The following DCC variants were observed in gnomAD, a reference collection of about 807,000 sequenced individuals.
DCC encodes netrin receptor DCC.
A neutral mutation model predicts 172.5 loss-of-function variants in DCC; 58 were observed. The observed-to-expected ratio is 0.34, with a 90% CI of 0.27 to 0.42. DCC has a LOEUF of 0.42. DCC is among the 10% of genes least tolerant of loss of function. The pLI is 1.00. For synonymous variants in DCC, 709 were observed against 644.5 expected (o/e 1.10, Z -1.52); for missense variants, 1,740 against 1,791.0 (o/e 0.97, Z 0.51).
At chr18:53,378,447 A>T (rs992975630) in intron 15 of DCC, among the ~76,000 whole-genome samples, 2 of 152,126 alleles carry the variant, frequency 1.3e-5, no homozygotes, top group African/African-American at 4.8e-5. Flanking sequence ...ATGAAGATTG[A>T]ATGTGAATAT....
intron 1 of DCC, among the ~76,000 whole-genome samples, chr18:52,594,338 T>G (rs1055239732): frequency 6.6e-6 from 1 of 152,206 alleles, no homozygotes; most frequent in South Asian, 2.1e-4. Flanking sequence ...TGTCTCACAT[T>G]GTTTAGGCTA....
At chr18:52,497,623 A>G (rs2030853012) in intron 1 of DCC, among the ~76,000 whole-genome samples, 1 of 152,010 alleles carries the variant, frequency 6.6e-6, no homozygotes, top group Admixed American at 6.6e-5. Context: ...GATGAATCCC[A>G]AGAGAATTGC....
At chr18:52,580,317 G>A (rs1471032901) in intron 1 of DCC, among the ~76,000 whole-genome samples, 1 of 152,150 alleles carries the variant, frequency 6.6e-6, no homozygotes, top group Non-Finnish European at 1.5e-5. Context: ...GAGTGCAGTG[G>A]CGCGATCTCG....
chr18:52,604,575 T>G (rs1037704147), intron 1 of DCC, among the ~76,000 whole-genome samples: 2 of 152,180 alleles, frequency 1.3e-5, no homozygotes, highest in African/African-American at 2.4e-5. Flanking sequence ...TGCCTGTCCC[T>G]TCTTTGTGGG....
intron 1 of DCC, among the ~76,000 whole-genome samples, chr18:52,743,267 T>A (rs2036851793): frequency 1.3e-5 from 2 of 152,118 alleles, no homozygotes; most frequent in Admixed American, 1.3e-4. Flanking sequence ...GCCATCCCTC[T>A]CTCTACTTAG....
At chr18:53,006,055 G>C (rs1023650272) in intron 5 of DCC, among the ~76,000 whole-genome samples, 1 of 152,186 alleles carries the variant, frequency 6.6e-6, no homozygotes, top group Non-Finnish European at 1.5e-5. Flanking sequence ...GATTATTTCT[G>C]TGGTTGCTAT....
chr18:53,058,762 C>A (rs2042451962), intron 5 of DCC, among the ~76,000 whole-genome samples: 1 of 152,026 alleles, frequency 6.6e-6, no homozygotes, highest in Non-Finnish European at 1.5e-5. Context: ...ATACTAGTGT[C>A]AAGATAAAGC....
intron 1 of DCC, among the ~76,000 whole-genome samples, chr18:52,682,591 C>T (rs1038867213): frequency 2.0e-5 from 3 of 152,052 alleles, no homozygotes; most frequent in Admixed American, 6.6e-5. Flanking sequence ...TTTCACTAAA[C>T]GCCAAGCATC....
intron 15 of DCC, among the ~76,000 whole-genome samples, chr18:53,345,497 T>A (rs9959664): frequency 0.98 from 148,460 of 152,212 alleles, 72,509 homozygotes; most frequent in Middle Eastern, 1. Context: ...GCAGTCATGA[T>A]TTTTTTTAAG....
intron 8 of DCC, among the ~76,000 whole-genome samples, chr18:53,177,055 C>T (rs1175003756): frequency 6.6e-6 from 1 of 151,968 alleles, no homozygotes; most frequent in Non-Finnish European, 1.5e-5. Flanking sequence ...TGGCAATCAT[C>T]ATTCTCAGTA....
At chr18:53,297,924 AATAAAAC>A (rs1177392101) in intron 12 of DCC, among the ~76,000 whole-genome samples, 2 of 152,198 alleles carry the variant, frequency 1.3e-5, no homozygotes, top group African/African-American at 2.4e-5. Flanking sequence ...GATGAGGATG[AATAAAAC>A]TGATAATAAT....
chr18:52,809,961 G>T (rs746558047), intron 2 of DCC, among the ~76,000 whole-genome samples: 1 of 151,932 alleles, frequency 6.6e-6, no homozygotes, highest in Non-Finnish European at 1.5e-5. Context: ...TACAAGTCCC[G>T]TGTTTAAAGG....
intron 2 of DCC, among the ~76,000 whole-genome samples, chr18:52,870,869 G>C (rs1054483394): frequency 6.6e-6 from 1 of 152,106 alleles, no homozygotes; most frequent in Admixed American, 6.6e-5. Context: ...TGTCTCCCAT[G>C]TTGCATAGCC....
At chr18:52,481,165 A>G (rs2029943824) in intron 1 of DCC, among the ~76,000 whole-genome samples, 1 of 152,178 alleles carries the variant, frequency 6.6e-6, no homozygotes, top group Non-Finnish European at 1.5e-5. Context: ...ATGCAAATTA[A>G]TTTCTTCAAA....
intron 17 of DCC, among the ~76,000 whole-genome samples, chr18:53,395,387 T>C (rs1908863609): frequency 6.6e-6 from 1 of 152,206 alleles, no homozygotes; most frequent in South Asian, 2.1e-4. Context: ...GTGGTGTCTG[T>C]GCTCAGAAAC....
intron 7 of DCC, among the ~76,000 whole-genome samples, chr18:53,088,022 G>A (rs2144166097): frequency 6.6e-6 from 1 of 152,288 alleles, no homozygotes; most frequent in African/African-American, 2.4e-5. Flanking sequence ...AGTATAGTTT[G>A]TAGTCAGGTA....
intron 12 of DCC, among the ~76,000 whole-genome samples, chr18:53,228,728 C>T (rs1019181292): frequency 6.6e-6 from 1 of 152,004 alleles, no homozygotes; most frequent in African/African-American, 2.4e-5. Flanking sequence ...GAAGCTGAAC[C>T]TTGGAGAAAG....
chr18:52,933,205 C>A (rs2040333474), intron 5 of DCC, among the ~76,000 whole-genome samples: 1 of 152,054 alleles, frequency 6.6e-6, no homozygotes, highest in South Asian at 2.1e-4. Context: ...AAACTAGCAA[C>A]CAACTGTTGA....
intron 1 of DCC, among the ~76,000 whole-genome samples, chr18:52,606,743 T>A (rs2034139398): frequency 6.6e-6 from 1 of 152,158 alleles, no homozygotes; most frequent in South Asian, 2.1e-4. Flanking sequence ...ATTGCTTTTG[T>A]AACTGGCTCA....
Sources: allele counts gnomAD v4.1 joint callset (sites outside exome capture counted in the v4.1 genomes callset), GRCh38; gene constraint gnomAD v4.1.1; transcripts MANE v1.5; gene names NCBI Gene and HGNC (gene_info 2026-07-23, HGNC 2026-07-21).